DLGAP1: variants seen among roughly 807,000 people sequenced by gnomAD.
The protein encoded by DLGAP1 is disks large-associated protein 1.
A neutral mutation model predicts 90.8 loss-of-function variants in DLGAP1; 11 were observed. The observed-to-expected ratio is 0.12, with a 90% CI of 0.08 to 0.20. The LOEUF (loss-of-function observed/expected upper bound fraction) is 0.20, where lower values mean the gene tolerates loss of function less well. Ranked by LOEUF, DLGAP1 falls within the 10% of genes least tolerant of loss-of-function variation. DLGAP1 has a pLI of 1.00. For synonymous variants in DLGAP1, 558 were observed against 540.7 expected (o/e 1.03, Z -0.44); for missense variants, 1,050 against 1,333.8 (o/e 0.79, Z 3.31).
chr18:4,216,294 C>T (rs536921108), intron 1 of DLGAP1, among the ~76,000 whole-genome samples: 1 of 151,160 alleles, frequency 6.6e-6, no homozygotes, highest in South Asian at 2.1e-4. Context: ...TTAAATTACC[C>T]CCCCCCCACC....
chr18:3,680,134 G>C (rs1024306141), intron 7 of DLGAP1: 3 of 152,268 alleles, frequency 2.0e-5, no homozygotes, highest in Non-Finnish European at 1.5e-5. Flanking sequence ...CTAACGGTTG[G>C]CAAAATGGTG....
chr18:4,162,503 C>A (rs1202583097), intron 1 of DLGAP1, among the ~76,000 whole-genome samples: 2 of 152,098 alleles, frequency 1.3e-5, no homozygotes, highest in Non-Finnish European at 2.9e-5. Flanking sequence ...TGTGCACCTA[C>A]TAATCCAAGT....
chr18:3,962,100 T>C (rs2073210850), intron 3 of DLGAP1, among the ~76,000 whole-genome samples: 1 of 152,228 alleles, frequency 6.6e-6, no homozygotes, highest in African/African-American at 2.4e-5. Flanking sequence ...TGGGAATTTT[T>C]GCTTGAGATT....
intron 1 of DLGAP1, among the ~76,000 whole-genome samples, chr18:4,208,567 G>C (rs528917583): frequency 6.6e-6 from 1 of 152,330 alleles, no homozygotes; most frequent in African/African-American, 2.4e-5. Context: ...GGAACAATGA[G>C]AGTGGGAAGA....
At chr18:4,323,421 C>T (rs28801096) in intron 1 of DLGAP1, among the ~76,000 whole-genome samples, 3,873 of 152,206 alleles carry the variant, frequency 0.025, 160 homozygotes, top group African/African-American at 0.087. Context: ...TCCAACATTC[C>T]TACTTCTGGC....
intron 3 of DLGAP1, 150 bp from the exon 4 acceptor site, chr18:3,880,290 C>T: frequency 1.7e-6 from 1 of 602,570 alleles, no homozygotes; most frequent in Non-Finnish European, 2.9e-6. Flanking sequence ...CTCAAGCCAT[C>T]CTTCCACACC....
intron 10 of DLGAP1, among the ~76,000 whole-genome samples, chr18:3,521,388 G>T (rs2051177768): frequency 6.6e-6 from 1 of 152,162 alleles, no homozygotes. Context: ...CTTCAGCAGG[G>T]CAGGTGCAGG....
At chr18:4,048,108 C>G (rs1436381889) in intron 2 of DLGAP1, among the ~76,000 whole-genome samples, 1 of 152,144 alleles carries the variant, frequency 6.6e-6, no homozygotes, top group Non-Finnish European at 1.5e-5. Context: ...CTAAAAACTT[C>G]TTTTTGAATT....
chr18:3,610,905 A>G (rs1418983011), intron 7 of DLGAP1, among the ~76,000 whole-genome samples: 1 of 147,236 alleles, frequency 6.8e-6, no homozygotes, highest in African/African-American at 2.5e-5. Context: ...GAGTTTTCAT[A>G]TGTATTTTTT....
chr18:4,246,289 T>A (rs2145162612), intron 1 of DLGAP1, among the ~76,000 whole-genome samples: 1 of 152,098 alleles, frequency 6.6e-6, no homozygotes, highest in African/African-American at 2.4e-5. Context: ...GGAAAAAAAA[T>A]AGCCATGGCA....
intron 7 of DLGAP1, among the ~76,000 whole-genome samples, chr18:3,637,224 G>C (rs1160170667): frequency 1.3e-5 from 2 of 151,968 alleles, no homozygotes; most frequent in South Asian, 2.1e-4. Flanking sequence ...GAGTGAGCAA[G>C]AAAGGGGCAA....
chr18:3,608,317 C>G (rs1424328711), intron 7 of DLGAP1: 1 of 129,510 alleles, frequency 7.7e-6, no homozygotes, highest in Non-Finnish European at 1.7e-5. Flanking sequence ...GAGTGAAACT[C>G]CATCTCAAAA....
chr18:3,771,626 G>C (rs898868435), intron 5 of DLGAP1, among the ~76,000 whole-genome samples: 1 of 152,258 alleles, frequency 6.6e-6, no homozygotes, highest in Non-Finnish European at 1.5e-5. Context: ...AATCCTGAGC[G>C]AGTTGCTCAT....
chr18:3,546,216 A>G (rs746664754), intron 9 of DLGAP1, among the ~76,000 whole-genome samples: 1 of 152,046 alleles, frequency 6.6e-6, no homozygotes, highest in Non-Finnish European at 1.5e-5. Flanking sequence ...TGAGCCCAGG[A>G]GTTTGAGACC....
chr18:4,011,106 A>T (rs1353007666), intron 2 of DLGAP1, among the ~76,000 whole-genome samples: 2 of 144,634 alleles, frequency 1.4e-5, no homozygotes, highest in Non-Finnish European at 3.0e-5. Flanking sequence ...AACCCAGGAG[A>T]TGGAGGTTGT....
At chr18:3,538,678 AAAC>A (rs1380530871) in intron 9 of DLGAP1, among the ~76,000 whole-genome samples, 1 of 152,208 alleles carries the variant, frequency 6.6e-6, no homozygotes, top group African/African-American at 2.4e-5. Context: ...CCAACTATGA[AAAC>A]ATTAGCCTCC....
intron 2 of DLGAP1, among the ~76,000 whole-genome samples, chr18:4,030,755 T>A (rs896518649): frequency 5.3e-5 from 8 of 152,088 alleles, no homozygotes; most frequent in African/African-American, 1.9e-4. Flanking sequence ...ACCCATTGTC[T>A]ACCAAAAATA....
intron 7 of DLGAP1, among the ~76,000 whole-genome samples, chr18:3,601,640 T>C (rs1034444544): frequency 1.3e-5 from 2 of 151,844 alleles, no homozygotes; most frequent in Admixed American, 1.3e-4. Flanking sequence ...GTCGGGAATT[T>C]GAGACCAGCC....
rs572717584 is a variant in DLGAP1, at chr18:4,409,615, C to T, written c.-267+45391G>A. ...GGTTCTTTGATTATCGCCATTCTTA[C>T]AGGAGTAAGATGGTATCGCATTGTG... On this transcript the variant is annotated intron_variant, in intron 1 of 12. Coordinates refer to ENST00000315677, the MANE Select transcript of DLGAP1 (RefSeq NM_004746.4). Among the ~76,000 whole-genome samples, 9 of 152,266 alleles carry T rather than the reference C, an allele frequency of 5.9e-5. No individual in the cohort carries two copies. The East Asian group carries it at 1.7e-3, about 29-fold the overall frequency.
Sources: allele counts gnomAD v4.1 joint callset (sites outside exome capture counted in the v4.1 genomes callset), GRCh38; gene constraint gnomAD v4.1.1; transcripts MANE v1.5; gene names NCBI Gene and HGNC (gene_info 2026-07-23, HGNC 2026-07-21).